Variants in PTPN13 observed in about 807,000 individuals in gnomAD.
PTPN13 encodes the protein protein tyrosine phosphatase non-receptor type 13, also known as tyrosine-protein phosphatase non-receptor type 13.
Under a neutral mutation model 284.0 loss-of-function variants are expected in PTPN13, and 191 were observed. The observed-to-expected ratio is 0.67, with a 90% CI of 0.60 to 0.76. PTPN13 has a LOEUF of 0.76. PTPN13 is among the 30% of genes least tolerant of loss of function. The pLI is 0.00. For synonymous variants in PTPN13, 986 were observed against 1,022.3 expected (o/e 0.96, Z 0.68); for missense variants, 2,797 against 2,939.9 (o/e 0.95, Z 1.12).
chr4:86,671,383 A>G (rs989953253), intron 2 of PTPN13, among the ~76,000 whole-genome samples: 11 of 152,166 alleles, frequency 7.2e-5, no homozygotes, highest in Admixed American at 3.9e-4. Context: ...AATTTCAGTC[A>G]TAGGCCTTTT....
At chr4:86,777,325 C>A (rs942463359) in intron 35 of PTPN13, among the ~76,000 whole-genome samples, 1 of 152,106 alleles carries the variant, frequency 6.6e-6, no homozygotes, top group African/African-American at 2.4e-5. Flanking sequence ...TGGCTCACTT[C>A]CATCTTCAAA....
At chr4:86,639,372 G>A (rs899733169) in intron 2 of PTPN13, among the ~76,000 whole-genome samples, 7 of 152,122 alleles carry the variant, frequency 4.6e-5, no homozygotes, top group South Asian at 2.1e-4. Flanking sequence ...AAAGACACAC[G>A]CACACATATG....
chr4:86,695,172 G>A (rs1243139546), intron 6 of PTPN13, among the ~76,000 whole-genome samples: 1 of 151,994 alleles, frequency 6.6e-6, no homozygotes, highest in Non-Finnish European at 1.5e-5. Flanking sequence ...TATCTGAAAA[G>A]ATATTTTAGC....
chr4:86,606,233 C>T (rs1764729594), intron 1 of PTPN13, among the ~76,000 whole-genome samples: 1 of 151,806 alleles, frequency 6.6e-6, no homozygotes, highest in Non-Finnish European at 1.5e-5. Context: ...ATTGAATATG[C>T]TGTGTGGATT....
At chr4:86,803,267 T>C (rs1744250924) in intron 42 of PTPN13, among the ~76,000 whole-genome samples, 1 of 150,552 alleles carries the variant, frequency 6.6e-6, no homozygotes. Flanking sequence ...CACACACATA[T>C]ATAAATATAT....
At chr4:86,814,434 A>G (rs200124270) in intron 47 of PTPN13, 22 bp from the exon 48 acceptor site, 12 of 1,465,388 alleles carry the variant, frequency 8.2e-6, no homozygotes, top group African/African-American at 2.8e-5. Context: ...AAAGTATTCT[A>G]TCTCACTTTT....
intron 15 of PTPN13, among the ~76,000 whole-genome samples, chr4:86,737,637 T>A (rs1055430402): frequency 7.2e-5 from 11 of 151,764 alleles, no homozygotes; most frequent in African/African-American, 2.7e-4. Flanking sequence ...ACTACTGATC[T>A]GCTATTACCA....
In PTPN13 at chr4:86,758,299, A is replaced by T. The variant is rs1428833168; in HGVS notation, c.3263A>T (p.Glu1088Val). 6.2e-7 allele frequency: 1 copy of T among 1,612,284 alleles called. No individual in the cohort carries two copies. Among genetic ancestry groups the T allele is most frequent in the Non-Finnish European group, 8.5e-7 (1 of 1,178,938 alleles). The change falls in exon 21 of 48, where the codon GAA (glutamate) becomes GTA (valine). Residue 1088 changes from glutamate (E) to valine (V), a missense_variant. By Grantham distance (121) the Glu-to-Val change is moderately radical (BLOSUM62 -2). Transcript: ENST00000411767. ...HKRWSIVSSPEREITLVNLKK... is the reference protein window; with the variant it reads ...HKRWSIVSSPVREITLVNLKK... ...AGATGGAGCATAGTATCTTCACCAG[A>T]AAGGGAGATCACCTTAGTGAACCTG...
intron 10 of PTPN13, among the ~76,000 whole-genome samples, chr4:86,725,151 C>T (rs1008454680): frequency 6.6e-6 from 1 of 151,906 alleles, no homozygotes; most frequent in African/African-American, 2.4e-5. Context: ...ATGAACTCAT[C>T]CTGTTTTATG....
chr4:86,786,004 T>C, intron 40 of PTPN13, 68 bp downstream of exon 40: 1 of 809,302 alleles, frequency 1.2e-6, no homozygotes, highest in East Asian at 3.2e-5. Flanking sequence ...ACCCAGAAGG[T>C]GAAATAATCA....
At chr4:86,694,787 C>CT (rs1730429444) in intron 6 of PTPN13, among the ~76,000 whole-genome samples, 2 of 151,934 alleles carry the variant, frequency 1.3e-5, no homozygotes, top group South Asian at 4.1e-4. Flanking sequence ...AACAGAAATA[C>CT]TTTTTTAGAT....
At chr4:86,627,265 T>A (rs1158203779) in intron 1 of PTPN13, among the ~76,000 whole-genome samples, 4 of 152,002 alleles carry the variant, frequency 2.6e-5, no homozygotes, top group Admixed American at 2.6e-4. Context: ...TATTTAACAC[T>A]ACTGAACTAT....
intron 39 of PTPN13, 126 bp downstream of exon 39, chr4:86,785,494 GAAACA>G: frequency 1.1e-6 from 1 of 887,766 alleles, no homozygotes; most frequent in Non-Finnish European, 1.6e-6. Flanking sequence ...TAATATTTCA[GAAACA>G]AAACAGAATT....
rs1015926994 is a variant in PTPN13, at chr4:86,713,535, G to GA, written c.1196-2985dup. ...TCCTGTGGTAGGATGCAATCATTTA[G>GA]AAAAAAAAAAGTACTGGTAAATACC... On this transcript the variant is annotated intron_variant, in intron 7 of 47. Coordinates refer to ENST00000411767, the MANE Select transcript of PTPN13 (RefSeq NM_080683.3). 4.4e-4 allele frequency among the ~76,000 whole-genome samples: 65 copies of GA among 146,230 alleles called. No homozygotes were observed. In the East Asian group the frequency reaches 9.7e-3, roughly 22 times the overall value.
At chr4:86,692,186 A>G (rs1389844046) in intron 5 of PTPN13, among the ~76,000 whole-genome samples, 1 of 152,180 alleles carries the variant, frequency 6.6e-6, no homozygotes, top group Non-Finnish European at 1.5e-5. Flanking sequence ...TAACTGTTCA[A>G]TAAACAACAG....
intron 20 of PTPN13, among the ~76,000 whole-genome samples, chr4:86,755,075 C>A (rs559020199): frequency 4.6e-5 from 7 of 151,972 alleles, no homozygotes; most frequent in African/African-American, 1.7e-4. Context: ...AAATATGGGA[C>A]CTCTTACTCT....
intron 1 of PTPN13, among the ~76,000 whole-genome samples, chr4:86,597,120 G>GA (rs1214824330): frequency 8.0e-5 from 12 of 150,828 alleles, no homozygotes; most frequent in African/African-American, 2.9e-4. Context: ...TAGGATAGAA[G>GA]AATCAGTGCT....
At chr4:86,728,676 T>TTG (rs1734592314) in intron 10 of PTPN13, among the ~76,000 whole-genome samples, 1 of 127,144 alleles carries the variant, frequency 7.9e-6, no homozygotes, top group Non-Finnish European at 1.7e-5. Flanking sequence ...TTTTTTTTTT[T>TTG]TGCTTTCCAT....
intron 15 of PTPN13, among the ~76,000 whole-genome samples, chr4:86,737,556 A>T (rs749024200): frequency 5.9e-5 from 9 of 151,878 alleles, no homozygotes; most frequent in Non-Finnish European, 1.3e-4. Flanking sequence ...GATACAGCAC[A>T]TTTCGAATAC....
Sources: gnomAD v4.1 joint callset for allele counts (sites outside exome capture counted in the v4.1 genomes callset) on GRCh38, gnomAD v4.1.1 for gene constraint, MANE v1.5 for transcripts, NCBI Gene and HGNC (gene_info 2026-07-23, HGNC 2026-07-21) for gene names.